Variants in ZNF680 observed in about 807,000 individuals in gnomAD.
ZNF680 encodes the protein hypothetical protein FLJ90430.
ZNF680 carries 6 observed loss-of-function variants against 12.1 expected under a neutral mutation model. The ratio of observed to expected loss-of-function variants is 0.49; its 90% confidence interval spans 0.27 to 0.98. The LOEUF (loss-of-function observed/expected upper bound fraction) is 0.98. ZNF680 is among the 50% of genes least tolerant of loss of function. The probability of loss-of-function intolerance (pLI) is 0.12; values close to 1 mark genes in which losing one functional copy is unlikely to be tolerated. For missense variants in ZNF680, 561 were observed against 616.3 expected (o/e 0.91, Z 0.95); for synonymous variants, 170 against 199.3 (o/e 0.85, Z 1.24).
At chr7:64,545,818 G>T (rs1486754167) in intron 1 of ZNF680, among the ~76,000 whole-genome samples, 2 of 152,128 alleles carry the variant, frequency 1.3e-5, no homozygotes, top group African/African-American at 4.8e-5. Flanking sequence ...AGCTAATAGA[G>T]AACACAGATG....
intron 3 of ZNF680, among the ~76,000 whole-genome samples, chr7:64,537,009 G>A (rs930762164): frequency 6.6e-6 from 1 of 152,200 alleles, no homozygotes; most frequent in Non-Finnish European, 1.5e-5. Flanking sequence ...GGCTGAGGCT[G>A]CAGTGAGCCA....
the ZNF680 span, among the ~76,000 whole-genome samples, chr7:64,506,235 T>C: frequency 6.7e-6 from 1 of 149,234 alleles, no homozygotes; most frequent in Non-Finnish European, 1.5e-5. Flanking sequence ...CTTGCTGTGT[T>C]GCCCAGGCTT....
chr7:64,532,817 T>C (rs1785957491), intron 3 of ZNF680, among the ~76,000 whole-genome samples: 1 of 152,226 alleles, frequency 6.6e-6, no homozygotes, highest in African/African-American at 2.4e-5. Flanking sequence ...ATCAAAAAGA[T>C]AATCCATCAT....
chr7:64,511,138 C>T, the ZNF680 span, among the ~76,000 whole-genome samples: 1 of 151,610 alleles, frequency 6.6e-6, no homozygotes, highest in Non-Finnish European at 1.5e-5. Context: ...GGCACTGTGG[C>T]AGGTGCCTGT....
chr7:64,549,329 G>A (rs903079263), intron 1 of ZNF680, among the ~76,000 whole-genome samples: 7 of 152,098 alleles, frequency 4.6e-5, no homozygotes, highest in Non-Finnish European at 8.8e-5. Context: ...TACACTTAGG[G>A]ATTCTCCCAT....
At chr7:64,526,456 CA>C in intron 3 of ZNF680, 1 of 1,411,122 alleles carries the variant, frequency 7.1e-7, no homozygotes, top group Admixed American at 2.2e-5. Context: ...TTAGGGAGGC[CA>C]AGGCAGTAAG....
chr7:64,532,072 CA>C (rs1021783629), intron 3 of ZNF680, among the ~76,000 whole-genome samples: 4 of 151,976 alleles, frequency 2.6e-5, no homozygotes, highest in African/African-American at 9.7e-5. Context: ...TTGGGAGGCC[CA>C]GGGGGGCAGA....
rs144946908 is a variant in ZNF680 at position 64,551,270 on chromosome 7, C to T, written c.31-6838G>A. Among the ~76,000 whole-genome samples, 193 of 152,282 alleles carry T rather than the reference C, an allele frequency of 1.3e-3. 1 individual carries two copies. The highest frequency in any genetic ancestry group is 2.2e-3 in the Admixed American group (33 of 15,298). On this transcript the variant is annotated intron_variant, in intron 1 of 3. Transcript: ENST00000309683. ...GTAGGCTCTCAGTCTCCTACAGAAACATTTGAATAGTGTGCTATCATTTTG... is the reference window on the plus strand; with the variant it reads ...GTAGGCTCTCAGTCTCCTACAGAAATATTTGAATAGTGTGCTATCATTTTG...
At chr7:64,518,535 T>C (rs1392343335), downstream of ZNF680, among the ~76,000 whole-genome samples, 3 of 151,890 alleles carry the variant, frequency 2.0e-5, no homozygotes, top group Non-Finnish European at 4.4e-5. Context: ...CCCATCAAAA[T>C]AGCAACATCA....
chr7:64,556,221 T>C (rs1326059047), intron 1 of ZNF680, among the ~76,000 whole-genome samples: 1 of 145,828 alleles, frequency 6.9e-6, no homozygotes, highest in Non-Finnish European at 1.5e-5. Context: ...GAATTAATGC[T>C]ATTTCTATCA....
At chr7:64,503,623 C>T in the ZNF680 span, among the ~76,000 whole-genome samples, 1 of 152,116 alleles carries the variant, frequency 6.6e-6, no homozygotes, top group African/African-American at 2.4e-5. Flanking sequence ...TCAGGCGATC[C>T]GCCCACCTTG....
At chr7:64,508,123 G>GTATATATATATATATACATATATATATA in the ZNF680 span, among the ~76,000 whole-genome samples, 1 of 117,666 alleles carries the variant, frequency 8.5e-6, no homozygotes, top group African/African-American at 4.2e-5. Context: ...ATTTTAAAAT[G>GTATATATATATATATACATATATATATA]TATATATATA....
chr7:64,542,734 T>C (rs1786572851), intron 3 of ZNF680, among the ~76,000 whole-genome samples: 1 of 152,208 alleles, frequency 6.6e-6, no homozygotes, highest in Non-Finnish European at 1.5e-5. Flanking sequence ...ACAGAGTCTC[T>C]GTCACACAGG....
downstream of ZNF680, among the ~76,000 whole-genome samples, chr7:64,517,975 T>C (rs1791388168): frequency 6.6e-6 from 1 of 152,090 alleles, no homozygotes; most frequent in Non-Finnish European, 1.5e-5. Context: ...ACAGCCTACA[T>C]AACACTGAAC....
chr7:64,541,616 T>A (rs1484633952), intron 3 of ZNF680, among the ~76,000 whole-genome samples: 1 of 152,170 alleles, frequency 6.6e-6, no homozygotes, highest in East Asian at 1.9e-4. Flanking sequence ...TTAAGGAGTG[T>A]TCTTTTCAGA....
chr7:64,561,875 C>T (rs1432392278), intron 1 of ZNF680, among the ~76,000 whole-genome samples: 1 of 143,930 alleles, frequency 6.9e-6, no homozygotes, highest in East Asian at 2.0e-4. Flanking sequence ...GCGGAGCTTG[C>T]AGTGAGCCGA....
intron 3 of ZNF680, among the ~76,000 whole-genome samples, chr7:64,529,071 G>A (rs551580932): frequency 7.3e-4 from 111 of 152,250 alleles, no homozygotes; most frequent in African/African-American, 2.6e-3. Flanking sequence ...CTAGAAGGGA[G>A]ATAACAATCA....
the ZNF680 span, chr7:64,501,236 GC>G: frequency 1.1e-6 from 1 of 875,734 alleles, no homozygotes; most frequent in East Asian, 2.5e-5. Context: ...ATGTACAGTT[GC>G]CCAGCACATT....
the ZNF680 span, among the ~76,000 whole-genome samples, chr7:64,501,996 TC>T: frequency 1.4e-4 from 17 of 118,390 alleles, no homozygotes; most frequent in Non-Finnish European, 1.9e-4. Context: ...AGGACGTATT[TC>T]TTTTTTTTTT....
Sources: gnomAD v4.1 joint callset for allele counts (sites outside exome capture counted in the v4.1 genomes callset) on GRCh38, gnomAD v4.1.1 for gene constraint, MANE v1.5 for transcripts, NCBI Gene and HGNC (gene_info 2026-07-23, HGNC 2026-07-21) for gene names.